Variants in FHIT observed in about 807,000 individuals in gnomAD.
The protein encoded by FHIT is fragile histidine triad diadenosine triphosphatase.
In FHIT, 19 loss-of-function variants were observed where a neutral mutation model predicts 17.9. The ratio of observed to expected loss-of-function variants is 1.06; its 90% CI spans 0.74 to 1.56. The LOEUF (loss-of-function observed/expected upper bound fraction) is 1.56. Among genes scored for constraint, FHIT ranks in the 40% most tolerant of loss-of-function variants. The pLI is 0.00. For missense variants in FHIT, 248 were observed against 189.2 expected (o/e 1.31, Z -1.82); for synonymous variants, 81 against 69.7 (o/e 1.16, Z -0.81).
At chr3:59,887,743 G>T (rs1703687826) in intron 8 of FHIT, among the ~76,000 whole-genome samples, 1 of 152,184 alleles carries the variant, frequency 6.6e-6, no homozygotes, top group African/African-American at 2.4e-5. Context: ...AGGCATTCAG[G>T]TGACTGCCCA....
At chr3:60,291,382 C>G (rs1468318907) in intron 5 of FHIT, among the ~76,000 whole-genome samples, 2 of 152,106 alleles carry the variant, frequency 1.3e-5, no homozygotes, top group African/African-American at 4.8e-5. Flanking sequence ...CCACCCTAAT[C>G]TTTTATTATG....
chr3:60,466,229 T>G (rs1016493226), intron 5 of FHIT, among the ~76,000 whole-genome samples: 1 of 152,082 alleles, frequency 6.6e-6, no homozygotes, highest in Non-Finnish European at 1.5e-5. Flanking sequence ...TGTATGTTGA[T>G]TTTTATATCT....
At chr3:60,554,243 A>G (rs1258520046) in intron 4 of FHIT, among the ~76,000 whole-genome samples, 1 of 65,416 alleles carries the variant, frequency 1.5e-5, no homozygotes, top group African/African-American at 1.8e-4. Context: ...TTAACGGTTA[A>G]AAAAAAAAAA....
chr3:60,389,582 A>G (rs1299877662), intron 5 of FHIT, among the ~76,000 whole-genome samples: 2 of 152,158 alleles, frequency 1.3e-5, no homozygotes, highest in African/African-American at 4.8e-5. Context: ...TAACTTGTCC[A>G]GTGCAAAGAA....
At chr3:60,713,482 T>C (rs2041596734) in intron 4 of FHIT, among the ~76,000 whole-genome samples, 1 of 149,196 alleles carries the variant, frequency 6.7e-6, no homozygotes, top group Non-Finnish European at 1.5e-5. Flanking sequence ...AATTAATGAA[T>C]CCAGGAGCTG....
intron 5 of FHIT, among the ~76,000 whole-genome samples, chr3:60,236,866 C>T (rs1049575766): frequency 1.3e-5 from 2 of 152,148 alleles, no homozygotes; most frequent in African/African-American, 4.8e-5. Context: ...ATGCATTTAG[C>T]TACATATGCA....
chr3:60,310,898 C>G (rs1043355015), intron 5 of FHIT, among the ~76,000 whole-genome samples: 3 of 152,130 alleles, frequency 2.0e-5, no homozygotes, highest in Admixed American at 1.3e-4. Context: ...CTTGCTTTCT[C>G]TCTGTATACA....
intron 2 of FHIT, among the ~76,000 whole-genome samples, chr3:61,160,494 T>C (rs191136872): frequency 1.2e-4 from 18 of 152,340 alleles, no homozygotes; most frequent in Admixed American, 2.0e-4. Context: ...TCCTGCAGCA[T>C]GTTAAGATGG....
intron 3 of FHIT, among the ~76,000 whole-genome samples, chr3:60,994,960 A>G (rs896517900): frequency 6.6e-5 from 10 of 152,210 alleles, no homozygotes; most frequent in African/African-American, 1.9e-4. Context: ...TTAAATGTTT[A>G]GAAATTTTAA....
chr3:60,198,727 C>G (rs138846391), intron 5 of FHIT, among the ~76,000 whole-genome samples: 1 of 152,216 alleles, frequency 6.6e-6, no homozygotes, highest in East Asian at 1.9e-4. Flanking sequence ...CCATTTTCTA[C>G]CTAGCCAAGT....
At chr3:60,707,922 A>G (rs2107926404) in intron 4 of FHIT, among the ~76,000 whole-genome samples, 1 of 152,340 alleles carries the variant, frequency 6.6e-6, no homozygotes, top group South Asian at 2.1e-4. Flanking sequence ...TTCAAAAGCT[A>G]GAGTTTTAAA....
At chr3:60,142,834 T>G (rs1700097062) in intron 5 of FHIT, among the ~76,000 whole-genome samples, 1 of 152,042 alleles carries the variant, frequency 6.6e-6, no homozygotes, top group Non-Finnish European at 1.5e-5. Context: ...GCAAGACAAT[T>G]TAAGAGGCAT....
chr3:60,547,335 A>AC (rs2036401298), intron 4 of FHIT, among the ~76,000 whole-genome samples: 1 of 152,104 alleles, frequency 6.6e-6, no homozygotes, highest in Non-Finnish European at 1.5e-5. Context: ...CAAGGTTTAG[A>AC]CCCTTAGACT....
At position 60,878,677 on chromosome 3, in the gene FHIT, C is replaced by A. The variant is rs192062436; in HGVS notation, c.-110-56666G>T. On this transcript the variant is annotated intron_variant, in intron 3 of 9. Transcript: ENST00000492590. ...ACAACAGGCCCCGGTGTGTGATGTTCCCCTTCCTGTGTCCATGTGTTCTCA... is the reference window on the plus strand; with the variant it reads ...ACAACAGGCCCCGGTGTGTGATGTTACCCTTCCTGTGTCCATGTGTTCTCA... Among the ~76,000 whole-genome samples, 304 of 151,828 alleles carry A rather than the reference C, an allele frequency of 2.0e-3. 2 individuals are homozygous for A. The highest frequency in any genetic ancestry group is 7.0e-3 in the African/African-American group (290 of 41,390).
At chr3:60,379,762 T>C (rs1700722884) in intron 5 of FHIT, among the ~76,000 whole-genome samples, 1 of 152,134 alleles carries the variant, frequency 6.6e-6, no homozygotes, top group Admixed American at 6.5e-5. Context: ...AGATACCTAG[T>C]TTTCAGAACA....
chr3:60,708,435 A>G (rs1375737972), intron 4 of FHIT, among the ~76,000 whole-genome samples: 2 of 152,208 alleles, frequency 1.3e-5, no homozygotes, highest in South Asian at 2.1e-4. Flanking sequence ...TCCCAAGTTC[A>G]TTGATATGTG....
intron 5 of FHIT, among the ~76,000 whole-genome samples, chr3:60,313,938 T>A (rs1282646917): frequency 6.6e-6 from 1 of 152,216 alleles, no homozygotes; most frequent in Non-Finnish European, 1.5e-5. Context: ...GTGCAATAAT[T>A]ATCTCTGCTA....
chr3:60,867,285 A>T (rs1704208097), intron 3 of FHIT, among the ~76,000 whole-genome samples: 1 of 152,216 alleles, frequency 6.6e-6, no homozygotes, highest in Non-Finnish European at 1.5e-5. Context: ...CAAAAAATAT[A>T]GCTTGTCTGT....
At position 60,012,306 on chromosome 3, in the gene FHIT, T is replaced by C. The variant is rs1341530531; in HGVS notation, c.250-906A>G. ...TTTTTTGAGAAAGGGTCTTACTCAG[T>C]TGTCCAGGCCAGAGTATGGTGGCAT... On this transcript the variant is annotated intron_variant, in intron 6 of 9. Coordinates refer to ENST00000492590, the MANE Select transcript of FHIT (RefSeq NM_002012.4). Among the ~76,000 whole-genome samples, 10 of 146,992 alleles carry C rather than the reference T, an allele frequency of 6.8e-5. No individual in the cohort carries two copies. In the South Asian group the frequency reaches 1.8e-3, roughly 26 times the overall value.
Sources: gnomAD v4.1 joint callset for allele counts (sites outside exome capture counted in the v4.1 genomes callset) on GRCh38, gnomAD v4.1.1 for gene constraint, MANE v1.5 for transcripts, NCBI Gene and HGNC (gene_info 2026-07-23, HGNC 2026-07-21) for gene names.